The following COL5A2 variants were observed in gnomAD, a reference collection of about 807,000 sequenced individuals.
COL5A2 encodes the protein collagen type V alpha 2 chain.
COL5A2 carries 23 observed loss-of-function variants against 208.2 expected under a neutral mutation model. The observed-to-expected ratio is 0.11, with a 90% CI of 0.08 to 0.16. The LOEUF (loss-of-function observed/expected upper bound fraction) is 0.16. Ranked by LOEUF, COL5A2 falls within the 10% of genes least tolerant of loss-of-function variation. The pLI, the probability that COL5A2 is intolerant of heterozygous loss-of-function variation, is 1.00. For missense variants in COL5A2, 1,590 were observed against 1,956.4 expected (o/e 0.81, Z 3.53); for synonymous variants, 625 against 628.5 (o/e 0.99, Z 0.08).
chr2:189,387,278 CA>C, the COL5A2 span, among the ~76,000 whole-genome samples: 1 of 151,918 alleles, frequency 6.6e-6, no homozygotes, highest in Non-Finnish European at 1.5e-5. Flanking sequence ...TACACATGGA[CA>C]AAAAGATGGG....
chr2:189,275,905 C>G, the COL5A2 span, among the ~76,000 whole-genome samples: 1 of 152,106 alleles, frequency 6.6e-6, no homozygotes, highest in East Asian at 1.9e-4. Context: ...TAAATACCCC[C>G]CAACTAATTT....
rs771419836 is a variant in COL5A2 at position 189,110,326 on chromosome 2, A to G, written c.221T>C (p.Ile74Thr). 4 of 1,614,004 alleles carry G rather than the reference A, an allele frequency of 2.5e-6. No individual in the cohort carries two copies. In the African/African-American group the frequency reaches 5.3e-5, roughly 22 times the overall value. Residue 74 changes from isoleucine (I) to threonine (T), a missense_variant, in exon 2 of 54, where the codon ATA becomes ACA. Physicochemically the swap from Ile to Thr is moderately conservative, Grantham distance 89. Coordinates refer to ENST00000374866, the MANE Select transcript of COL5A2 (RefSeq NM_000393.5). ...CDNGAILCDKIECQDVLDCAD... is the reference protein window; with the variant it reads ...CDNGAILCDKTECQDVLDCAD... ...ACAGTCCAGCACATCCTGGCATTCT[A>G]TCTTGTCACAGAGAATGGCTCCATT...
At chr2:189,128,484 G>GT (rs967774024) in intron 1 of COL5A2, among the ~76,000 whole-genome samples, 3 of 151,846 alleles carry the variant, frequency 2.0e-5, no homozygotes, top group African/African-American at 7.2e-5. Context: ...AGAGTTTGTT[G>GT]TTTTTTGTTT....
At chr2:189,096,884 TAAAC>T (rs1559102535) in intron 6 of COL5A2, among the ~76,000 whole-genome samples, 20 of 152,252 alleles carry the variant, frequency 1.3e-4, no homozygotes, top group African/African-American at 4.6e-4. Flanking sequence ...ACCTGGGAAA[TAAAC>T]TTGTTGTGCA....
At chr2:189,228,919 T>C (rs1296524332), upstream of COL5A2, among the ~76,000 whole-genome samples, 2 of 151,784 alleles carry the variant, frequency 1.3e-5, no homozygotes, top group East Asian at 1.9e-4. Context: ...CAAAAATATA[T>C]GAGCAAACTA....
intron 1 of COL5A2, among the ~76,000 whole-genome samples, chr2:189,121,154 A>G (rs1687492287): frequency 1.3e-5 from 2 of 152,178 alleles, no homozygotes; most frequent in South Asian, 4.1e-4. Context: ...AGAGAAGTCA[A>G]AAGAAATCTG....
chr2:189,388,433 C>T, the COL5A2 span, among the ~76,000 whole-genome samples: 1 of 152,268 alleles, frequency 6.6e-6, no homozygotes, highest in Admixed American at 6.5e-5. Flanking sequence ...AGATAGAGTT[C>T]TGCATGACTG....
At chr2:189,434,903 A>G in the COL5A2 span, among the ~76,000 whole-genome samples, 1 of 152,236 alleles carries the variant, frequency 6.6e-6, no homozygotes, top group Non-Finnish European at 1.5e-5. Flanking sequence ...AGCTGGGGGC[A>G]TCACGCTACC....
the COL5A2 span, among the ~76,000 whole-genome samples, chr2:189,246,109 AACATAT>A: frequency 6.6e-6 from 1 of 152,226 alleles, no homozygotes; most frequent in Non-Finnish European, 1.5e-5. Context: ...TCTGAAAAAA[AACATAT>A]ATTTCAACCT....
At chr2:189,046,355 C>T (rs1002458695) in intron 45 of COL5A2, among the ~76,000 whole-genome samples, 1 of 152,164 alleles carries the variant, frequency 6.6e-6, no homozygotes, top group African/African-American at 2.4e-5. Context: ...TTTTGATTAT[C>T]CTTCCTTACT....
chr2:189,131,787 C>T (rs2105754808), intron 1 of COL5A2, among the ~76,000 whole-genome samples: 1 of 152,262 alleles, frequency 6.6e-6, no homozygotes, highest in Admixed American at 6.5e-5. Flanking sequence ...TAGAGTTCCT[C>T]TAAGAGAATT....
At chr2:189,378,495 C>A in the COL5A2 span, among the ~76,000 whole-genome samples, 1 of 151,996 alleles carries the variant, frequency 6.6e-6, no homozygotes. Context: ...GAGGCCGAGG[C>A]GGGAGGATCA....
At chr2:189,356,734 G>C in the COL5A2 span, among the ~76,000 whole-genome samples, 1 of 152,130 alleles carries the variant, frequency 6.6e-6, no homozygotes, top group Admixed American at 6.5e-5. Context: ...GCCTACTTCT[G>C]TCAATTCATC....
intron 1 of COL5A2, among the ~76,000 whole-genome samples, chr2:189,186,821 AAT>A (rs1688859297): frequency 6.6e-6 from 1 of 152,226 alleles, no homozygotes. Context: ...AAATTTTATA[AAT>A]ATGTTACCTC....
chr2:189,233,822 T>C, the COL5A2 span, among the ~76,000 whole-genome samples: 2 of 143,718 alleles, frequency 1.4e-5, no homozygotes, highest in Non-Finnish European at 3.2e-5. Context: ...ACCAGAATTT[T>C]TTGGATATTG....
At chr2:189,293,557 G>A in the COL5A2 span, among the ~76,000 whole-genome samples, 1 of 152,122 alleles carries the variant, frequency 6.6e-6, no homozygotes, top group Non-Finnish European at 1.5e-5. Context: ...ATTAGGAGGT[G>A]GAACCTTTAA....
chr2:189,262,646 C>T, the COL5A2 span, among the ~76,000 whole-genome samples: 4 of 152,004 alleles, frequency 2.6e-5, no homozygotes, highest in East Asian at 7.7e-4. Context: ...ATAACTTACA[C>T]ACATACCTAA....
At chr2:189,414,439 GGGACCCTAA>G in the COL5A2 span, among the ~76,000 whole-genome samples, 1 of 152,018 alleles carries the variant, frequency 6.6e-6, no homozygotes, top group Middle Eastern at 3.4e-3. Context: ...ACTGCTTTCT[GGGACCCTAA>G]AGACCCTAAG....
the COL5A2 span, among the ~76,000 whole-genome samples, chr2:189,420,083 A>AAG: frequency 7.2e-6 from 1 of 139,688 alleles, no homozygotes; most frequent in African/African-American, 2.6e-5. Context: ...GGAGGGAGGG[A>AAG]GAAGGAAGGA....
Sources: allele counts gnomAD v4.1 joint callset (sites outside exome capture counted in the v4.1 genomes callset), GRCh38; gene constraint gnomAD v4.1.1; transcripts MANE v1.5; gene names NCBI Gene and HGNC (gene_info 2026-07-23, HGNC 2026-07-21).